The following FAM167A variants were observed in gnomAD, a reference collection of about 807,000 sequenced individuals.
FAM167A encodes the protein family with sequence similarity 167 member A.
FAM167A carries 23 observed loss-of-function variants against 14.9 expected under a neutral mutation model. The ratio of observed to expected loss-of-function variants is 1.55; its 90% CI spans 1.11 to 2.19. FAM167A has a LOEUF of 2.19. Among genes scored for constraint, FAM167A ranks in the 30% most tolerant of loss-of-function variants. The pLI is 0.00. For synonymous variants in FAM167A, 174 were observed against 117.7 expected, an observed-to-expected ratio of 1.48 and a Z score of -3.10; for missense variants, 401 against 281.5, an observed-to-expected ratio of 1.42 and a Z score of -3.04.
At chr8:11,471,322 G>T (rs370872820), upstream of FAM167A, among the ~76,000 whole-genome samples, 2 of 152,320 alleles carry the variant, frequency 1.3e-5, no homozygotes, top group South Asian at 2.1e-4. Flanking sequence ...AACTGCAAAG[G>T]CAGAGGATGA....
In FAM167A at chr8:11,438,139, G is replaced by A. The variant is rs761963952; in HGVS notation, c.381+5892C>T. ...CCAGTGGAGGCCGGTAGTGCTGAATGGACATGGGGCTGGATGAAAAGACTT... is the reference window on the plus strand; with the variant it reads ...CCAGTGGAGGCCGGTAGTGCTGAATAGACATGGGGCTGGATGAAAAGACTT... On this transcript the variant is annotated intron_variant, in intron 2 of 2. Transcript: ENST00000284486. 1.9e-4 allele frequency: 89 copies of A among 456,648 alleles called. 3 individuals carry two copies. Among genetic ancestry groups the A allele is most frequent in the South Asian group, 1.3e-3 (87 of 64,534 alleles). 28.3% of individuals were successfully genotyped at this position (456,648 alleles called of 1,614,324 possible).
intron 2 of FAM167A, among the ~76,000 whole-genome samples, chr8:11,439,020 T>G (rs1806250057): frequency 2.0e-5 from 3 of 152,258 alleles, no homozygotes; most frequent in Admixed American, 2.0e-4. Context: ...ACGGGCTTTC[T>G]GGCAGCTCAG....
At chr8:11,445,283 A>C in intron 1 of FAM167A, 1 of 985,706 alleles carries the variant, frequency 1.0e-6, no homozygotes, top group South Asian at 4.7e-5. Context: ...ACACAGGCTA[A>C]GGTGGGTCTG....
intron 1 of FAM167A, among the ~76,000 whole-genome samples, chr8:11,473,429 G>C (rs756746098): frequency 1.3e-5 from 2 of 152,114 alleles, no homozygotes; most frequent in South Asian, 4.1e-4. Flanking sequence ...GGGATTTTTG[G>C]GGAAACGGGA....
At chr8:11,437,484 G>T (rs867587189) in intron 2 of FAM167A, among the ~76,000 whole-genome samples, 2 of 152,224 alleles carry the variant, frequency 1.3e-5, no homozygotes, top group Middle Eastern at 6.8e-3. Flanking sequence ...TTGGTTAATT[G>T]GTTTACCTAA....
chr8:11,432,319 T>A (rs967949370), intron 2 of FAM167A, among the ~76,000 whole-genome samples: 2 of 152,086 alleles, frequency 1.3e-5, no homozygotes, highest in Admixed American at 1.3e-4. Context: ...TTGCAATCTA[T>A]CCATCTGACA....
At chr8:11,437,459 C>G (rs1488961060) in intron 2 of FAM167A, among the ~76,000 whole-genome samples, 1 of 152,182 alleles carries the variant, frequency 6.6e-6, no homozygotes, top group Admixed American at 6.5e-5. Context: ...TTTACAATCA[C>G]AAAACCAAGA....
At chr8:11,446,934 A>G (rs893298966) in intron 1 of FAM167A, among the ~76,000 whole-genome samples, 16 of 152,126 alleles carry the variant, frequency 1.1e-4, no homozygotes, top group Admixed American at 2.0e-4. Context: ...AGATCCATCA[A>G]AGCTTCCTGG....
rs1804724689 is a variant in FAM167A at position 11,421,545 on chromosome 8, C to T, written c.*2828G>A. 5.1e-6 allele frequency: 2 copies of T among 395,176 alleles called. No individual in the cohort carries two copies. Among genetic ancestry groups the T allele is most frequent in the Non-Finnish European group, 8.9e-6 (2 of 224,276 alleles). The allele number at this position is 395,176 out of a possible 1,614,324, so 24.5% of individuals were successfully genotyped here. ...ACTTTTTCTAACAGCAATATAGAAA[C>T]AAATAATCATAAAAAATAAAAGTAT... On this transcript the variant is annotated 3_prime_UTR_variant, in exon 3 of 3. Coordinates refer to ENST00000284486, the MANE Select transcript of FAM167A (RefSeq NM_053279.3).
Position 11,424,878 on chromosome 8 carries a change from C to T in FAM167A, c.382-242G>A, listed in dbSNP as rs184887418. Among the ~76,000 whole-genome samples the T allele has an allele frequency of 3.2e-3, 490 of 152,340 alleles. 2 individuals are homozygous for T. The highest frequency in any genetic ancestry group is 5.2e-3 in the Non-Finnish European group (356 of 68,026). ...GCTGTATCTAAGTCCTTCTGAAAGA[C>T]ATGCATATTGGTCCTGGCTAGAAGA... is the stretch of plus-strand genomic sequence containing the variant. On this transcript the variant is annotated intron_variant, in intron 2 of 2. Transcript: ENST00000284486.
At chr8:11,466,873 C>T (rs1299942154), upstream of FAM167A, 1 of 152,160 alleles carries the variant, frequency 6.6e-6, no homozygotes, top group African/African-American at 2.4e-5. Context: ...CTCGCGTTCT[C>T]GCCCCGGGTC....
intron 1 of FAM167A, among the ~76,000 whole-genome samples, chr8:11,464,673 G>A (rs185740923): frequency 7.3e-4 from 111 of 152,284 alleles, no homozygotes; most frequent in Middle Eastern, 3.4e-3. Context: ...CTCATTTTCC[G>A]CCTTTGCAAG....
chr8:11,455,167 T>G (rs1170983625), intron 1 of FAM167A, among the ~76,000 whole-genome samples: 2 of 116,964 alleles, frequency 1.7e-5, no homozygotes. Context: ...TGTGGTGGGG[T>G]TGTTGCCTTG....
chr8:11,443,783 C>T, intron 2 of FAM167A: 1 of 501,236 alleles, frequency 2.0e-6, no homozygotes, highest in South Asian at 2.3e-5. Context: ...TCAGGTTCTG[C>T]CAGAAAACAC....
intron 2 of FAM167A, among the ~76,000 whole-genome samples, chr8:11,429,973 T>C (rs1266763457): frequency 2.0e-5 from 3 of 152,240 alleles, no homozygotes; most frequent in Non-Finnish European, 4.4e-5. Context: ...ACTTAAGTCC[T>C]TTCTCTCCAG....
chr8:11,446,970 G>A (rs1206889857), intron 1 of FAM167A, among the ~76,000 whole-genome samples: 6 of 152,146 alleles, frequency 3.9e-5, no homozygotes, highest in Non-Finnish European at 5.9e-5. Context: ...AGGCGGATGA[G>A]CAGCACCCTC....
chr8:11,471,951 C>A (rs561719610), upstream of FAM167A, among the ~76,000 whole-genome samples: 1 of 152,360 alleles, frequency 6.6e-6, no homozygotes, highest in African/African-American at 2.4e-5. Flanking sequence ...CTCACTCCCA[C>A]CTCCCTTCTT....
At chr8:11,439,638 T>A (rs1806308101) in intron 2 of FAM167A, among the ~76,000 whole-genome samples, 1 of 151,846 alleles carries the variant, frequency 6.6e-6, no homozygotes, top group South Asian at 2.1e-4. Flanking sequence ...GAGGAGGGTG[T>A]CTGCAGGGAT....
At chr8:11,438,639 G>C (rs1012318703) in intron 2 of FAM167A, 2 of 404,748 alleles carry the variant, frequency 4.9e-6, no homozygotes, top group Admixed American at 6.4e-5. Flanking sequence ...CAGAAATAAA[G>C]ATCATCAAGT....
Sources: allele counts gnomAD v4.1 joint callset (sites outside exome capture counted in the v4.1 genomes callset), GRCh38; gene constraint gnomAD v4.1.1; transcripts MANE v1.5; gene names NCBI Gene and HGNC (gene_info 2026-07-23, HGNC 2026-07-21).